Variants in H1-10 observed in about 807,000 individuals in gnomAD.
The protein encoded by H1-10 is histone H1.10.
For synonymous variants in H1-10, 191 were observed against 140.9 expected, an observed-to-expected ratio of 1.36 and a Z score of -2.52; for missense variants, 307 against 297.9, an observed-to-expected ratio of 1.03 and a Z score of -0.22.
Position 129,315,246 on chromosome 3 carries a change from G to T in H1-10, c.*15C>A. ...CCGAAAAGCCCACGCCGGCCGCTCT[G>T]ACCGGCCGACACGCTCACTTGCGGC... is the stretch of plus-strand genomic sequence containing the variant. On this transcript the variant is annotated 3_prime_UTR_variant, in exon 1 of 1. Transcript: ENST00000333762. The T allele has an allele frequency of 1.5e-6, 2 of 1,361,476 alleles. No individual in the cohort carries two copies. The highest frequency in any genetic ancestry group is 4.1e-5 in the South Asian group (2 of 48,598). 84.3% of individuals were successfully genotyped at this position (1,361,476 alleles called of 1,614,324 possible).
rs1268466214 is a variant in H1-10, at chr3:129,315,109, G to T, written c.*152C>A. On this transcript the variant is annotated 3_prime_UTR_variant, in exon 1 of 1. Coordinates refer to ENST00000333762, the MANE Select transcript of H1-10 (RefSeq NM_006026.4). Reference sequence around the variant, plus strand: ...AAAACGCTACATCGTTGGGGGAGGGGAAAGACTGAGAGGACCCGGGGCCCC... The same window carrying T: ...AAAACGCTACATCGTTGGGGGAGGGTAAAGACTGAGAGGACCCGGGGCCCC... The T allele has an allele frequency of 2.5e-5, 13 of 525,500 alleles. No individual in the cohort carries two copies. Among genetic ancestry groups the T allele is most frequent in the Admixed American group, 4.4e-5 (1 of 22,866 alleles). The allele number at this position is 525,500 out of a possible 1,614,324, so 32.6% of individuals were successfully genotyped here. A position where few individuals can be genotyped will look rare whatever the true frequency, so the allele number is the denominator to read the frequency against.
chr3:129,315,393 G>A lies in H1-10; in HGVS notation c.510C>T (p.Arg170=). The A allele has an allele frequency of 6.5e-7, 1 of 1,538,534 alleles. No homozygotes were observed. Among genetic ancestry groups the A allele is most frequent in the Non-Finnish European group, 8.7e-7 (1 of 1,148,714 alleles). The part of the protein sequence containing the change: ...KPARGQKPEQ[R]SHKKGAGAKK... Reference sequence around the variant, plus strand: ...TGGCGCCAGCGCCCTTCTTGTGCGAGCGCTGCTCCGGCTTCTGGCCCCTGG... The same window carrying A: ...TGGCGCCAGCGCCCTTCTTGTGCGAACGCTGCTCCGGCTTCTGGCCCCTGG... The change falls in exon 1 of 1, where the codon CGC becomes CGT. Residue 170 remains arginine (R), a synonymous_variant. Coordinates refer to ENST00000333762, the MANE Select transcript of H1-10 (RefSeq NM_006026.4).
rs2071287558 is a variant in H1-10 at position 129,315,025 on chromosome 3, G to A, written c.*236C>T. ...TAACCATGACGACGGCCGTTGCCAA[G>A]GCCGAGAGCCAATAGAGGCGTCGCC... On this transcript the variant is annotated 3_prime_UTR_variant, in exon 1 of 1. Transcript: ENST00000333762. The A allele has an allele frequency of 2.9e-6, 1 of 347,392 alleles. No individual in the cohort carries two copies. Among genetic ancestry groups the A allele is most frequent in the East Asian group, 4.4e-5 (1 of 22,668 alleles). The allele number at this position is 347,392 out of a possible 1,614,324, so 21.5% of individuals were successfully genotyped here. A position where few individuals can be genotyped will look rare whatever the true frequency, so the allele number is the denominator to read the frequency against.
chr3:129,315,946 G>A lies in H1-10; in HGVS notation c.-44C>T, dbSNP rs1234402955. 8 of 1,486,668 alleles carry A rather than the reference G, an allele frequency of 5.4e-6. No individual in the cohort carries two copies. Among genetic ancestry groups the A allele is most frequent in the Non-Finnish European group, 7.2e-6 (8 of 1,110,610 alleles). The allele number at this position is 1,486,668 out of a possible 1,614,324, so 92.1% of individuals were successfully genotyped here. A position where few individuals can be genotyped will look rare whatever the true frequency, so the allele number is the denominator to read the frequency against. ...GGCGGGCGGCGCGCGGAAGCCGGGG[G>A]GCCGCGCCGGGAAGAGGAAGGCGAG... On this transcript the variant is annotated 5_prime_UTR_variant, in exon 1 of 1. Transcript: ENST00000333762.
At position 129,315,801 on chromosome 3, in the gene H1-10, C is replaced by T. The variant is rs765977489; in HGVS notation, c.102G>A (p.Lys34=). 32 of 1,604,802 alleles carry T rather than the reference C, an allele frequency of 2.0e-5. No individual in the cohort carries two copies. Among genetic ancestry groups the T allele is most frequent in the East Asian group, 2.2e-5 (1 of 44,516 alleles). ...TCTTCTTCTTGCTATTCTTCCTCTT[C>T]TTAGATGGGGACAACGCCGCCGAGC... ...AGGSAALSPS[K]KRKNSKKKNQ... Residue 34 remains lysine (K), a synonymous_variant, in exon 1 of 1, where the codon AAG becomes AAA. Coordinates refer to ENST00000333762, the MANE Select transcript of H1-10 (RefSeq NM_006026.4).
Position 129,315,235 on chromosome 3 carries a change from C to T in H1-10, c.*26G>A, listed in dbSNP as rs1236147352. 7.5e-7 allele frequency: 1 copy of T among 1,335,686 alleles called. No individual in the cohort carries two copies. Among genetic ancestry groups the T allele is most frequent in the Non-Finnish European group, 9.6e-7 (1 of 1,046,620 alleles). The allele number at this position is 1,335,686 out of a possible 1,614,324, so 82.7% of individuals were successfully genotyped here. Reference sequence around the variant, plus strand: ...AAACAAAAACACCGAAAAGCCCACGCCGGCCGCTCTGACCGGCCGACACGC... The same window carrying T: ...AAACAAAAACACCGAAAAGCCCACGTCGGCCGCTCTGACCGGCCGACACGC... On this transcript the variant is annotated 3_prime_UTR_variant, in exon 1 of 1. Transcript: ENST00000333762.
In H1-10 at chr3:129,315,511, G is replaced by A; in HGVS notation, c.392C>T (p.Pro131Leu). The change falls in exon 1 of 1, where the codon CCG becomes CTG. Residue 131 changes from proline (P) to leucine (L), a missense_variant. Transcript: ENST00000333762. ...LEGGGERRGA[P>L]AAATAPAPTA... ...GGGGGCCGGGGCGGTGGCGGCCGCC[G>A]GGGCTCCGCGCCGCTCCCCGCCGCC... 5 of 1,533,246 alleles carry A rather than the reference G, an allele frequency of 3.3e-6. No individual in the cohort carries two copies. The highest frequency in any genetic ancestry group is 2.5e-5 in the East Asian group (1 of 40,348). 95.0% of individuals were successfully genotyped at this position (1,533,246 alleles called of 1,614,324 possible). A position where few individuals can be genotyped will look rare whatever the true frequency, so the allele number is the denominator to read the frequency against.
Position 129,315,532 on chromosome 3 carries a change from C to G in H1-10, c.371G>C (p.Gly124Ala). 6.5e-7 allele frequency: 1 copy of G among 1,540,904 alleles called. No homozygotes were observed. The highest frequency in any genetic ancestry group is 8.7e-7 in the Non-Finnish European group (1 of 1,145,540). The change falls in exon 1 of 1, where the codon GGC (glycine) becomes GCC (alanine). Residue 124 changes from glycine to alanine, a missense_variant. By Grantham distance (60) the Gly-to-Ala change is moderately conservative (BLOSUM62 0). Coordinates refer to ENST00000333762, the MANE Select transcript of H1-10 (RefSeq NM_006026.4). The part of the protein sequence containing the change: ...FKLNRKKLEG[G>A]GERRGAPAAA... ...CGCCGGGGCTCCGCGCCGCTCCCCG[C>G]CGCCCTCCAGCTTCTTGCGGTTGAG... is the stretch of plus-strand genomic sequence containing the variant.
At position 129,315,095 on chromosome 3, in the gene H1-10, T is replaced by G; in HGVS notation, c.*166A>C. On this transcript the variant is annotated 3_prime_UTR_variant, in exon 1 of 1. Transcript: ENST00000333762. The stretch of plus-strand genomic sequence containing the variant: ...AAAGCAAACAACGAAAAACGCTACA[T>G]CGTTGGGGGAGGGGAAAGACTGAGA... The G allele has an allele frequency of 2.1e-6, 1 of 466,620 alleles. No individual in the cohort carries two copies. The highest frequency in any genetic ancestry group is 3.4e-6 in the Non-Finnish European group (1 of 290,258). The allele number at this position is 466,620 out of a possible 1,614,324, so 28.9% of individuals were successfully genotyped here.
Position 129,315,911 on chromosome 3 carries a change from G to A in H1-10, c.-9C>T, listed in dbSNP as rs1338034428. The A allele has an allele frequency of 3.2e-6, 5 of 1,571,254 alleles. No homozygotes were observed. Among genetic ancestry groups the A allele is most frequent in the East Asian group, 2.3e-5 (1 of 42,910 alleles). ...TCGAGCTCCACGGACATGGTAGCAA[G>A]AGGATTGGTGGCGGGCGGCGCGCGG... On this transcript the variant is annotated 5_prime_UTR_variant, in exon 1 of 1. Coordinates refer to ENST00000333762, the MANE Select transcript of H1-10 (RefSeq NM_006026.4).
At position 129,315,410 on chromosome 3, in the gene H1-10, G is replaced by A; in HGVS notation, c.493C>T (p.Gln165Ter). ...TTGTGCGAGCGCTGCTCCGGCTTCT[G>A]GCCCCTGGCGGGCTTCTTGTCCGCG... ...RRADKKPARG[Q>*]KPEQRSHKKG... Residue 165 changes from glutamine (Q) to a stop codon, truncating the protein, a stop_gained, in exon 1 of 1, where the codon CAG (glutamine) becomes TAG (stop). Transcript: ENST00000333762. LOFTEE classifies it low-confidence loss of function (END_TRUNC). 6.6e-7 allele frequency: 1 copy of A among 1,514,250 alleles called. No individual in the cohort carries two copies. Among genetic ancestry groups the A allele is most frequent in the Non-Finnish European group, 8.8e-7 (1 of 1,136,802 alleles). The allele number at this position is 1,514,250 out of a possible 1,614,324, so 93.8% of individuals were successfully genotyped here.
rs2071288032 is a variant in H1-10, at chr3:129,315,069, TA to T, written c.*191del. 1 of 430,420 alleles carries T rather than the reference TA, an allele frequency of 2.3e-6. No individual in the cohort carries two copies. Among genetic ancestry groups the T allele is most frequent in the Non-Finnish European group, 3.9e-6 (1 of 258,870 alleles). 26.7% of individuals were successfully genotyped at this position (430,420 alleles called of 1,614,324 possible). On this transcript the variant is annotated 3_prime_UTR_variant, in exon 1 of 1. Coordinates refer to ENST00000333762, the MANE Select transcript of H1-10 (RefSeq NM_006026.4). ...CGTCGCCGGGGCTGTTTCAAAAACC[TA>T]AAGCAAACAACGAAAAACGCTACAT...
rs1242830698 is a variant in H1-10 at position 129,315,676 on chromosome 3, T to G, written c.227A>C (p.Lys76Thr). 4 of 1,589,616 alleles carry G rather than the reference T, an allele frequency of 2.5e-6. No individual in the cohort carries two copies. The highest frequency in any genetic ancestry group is 1.3e-5 in the African/African-American group (1 of 74,150). The change falls in exon 1 of 1, where the codon AAG becomes ACG. Residue 76 changes from lysine (K) to threonine (T), a missense_variant. Physicochemically the swap from Lys to Thr is moderately conservative, Grantham distance 78 (BLOSUM62 -1). Coordinates refer to ENST00000333762, the MANE Select transcript of H1-10 (RefSeq NM_006026.4). ...ATTCTGCTGGTCGAACCACGGAACC[T>G]TCTTGGCCTCGGTGTAGATCTTGGC... ...SLAKIYTEAK[K>T]VPWFDQQNGR... is the part of the protein sequence containing the mutation.
rs1391838469 is a variant in H1-10 at position 129,315,790 on chromosome 3, T to G, written c.113A>C (p.Asn38Thr). Reference protein sequence around the residue: ...AALSPSKKRKNSKKKNQPGKY... With the variant: ...AALSPSKKRKTSKKKNQPGKY... Reference sequence around the variant, plus strand: ...GCCCGGCTGGTTCTTCTTCTTGCTATTCTTCCTCTTCTTAGATGGGGACAA... The same window carrying G: ...GCCCGGCTGGTTCTTCTTCTTGCTAGTCTTCCTCTTCTTAGATGGGGACAA... Residue 38 changes from asparagine (N) to threonine (T), a missense_variant, in exon 1 of 1, where the codon AAT becomes ACT. Physicochemically the swap from Asn to Thr is moderately conservative, Grantham distance 65. Coordinates refer to ENST00000333762, the MANE Select transcript of H1-10 (RefSeq NM_006026.4). 1 of 1,604,704 alleles carries G rather than the reference T, an allele frequency of 6.2e-7. No homozygotes were observed. The highest frequency in any genetic ancestry group is 8.5e-7 in the Non-Finnish European group (1 of 1,176,314).
Position 129,316,149 on chromosome 3 carries a change from G to C in H1-10, c.-247C>G, listed in dbSNP as rs568278431. 2.5e-5 allele frequency: 4 copies of C among 162,704 alleles called. No individual in the cohort carries two copies. The allele number at this position is 162,704 out of a possible 1,614,324, so 10.1% of individuals were successfully genotyped here. On this transcript the variant is annotated 5_prime_UTR_variant, in exon 1 of 1. Transcript: ENST00000333762. ...GACCGAGTTGGGGGTCAGAGACCGA[G>C]TCCGAGCCGGCGGCTGGAGCTGGGG...
chr3:129,315,167 G>C lies in H1-10; in HGVS notation c.*94C>G, dbSNP rs1270874957. 7.0e-6 allele frequency: 8 copies of C among 1,145,150 alleles called. No homozygotes were observed. Among genetic ancestry groups the C allele is most frequent in the East Asian group, 3.2e-5 (1 of 31,268 alleles). The allele number at this position is 1,145,150 out of a possible 1,614,324, so 70.9% of individuals were successfully genotyped here. A position where few individuals can be genotyped will look rare whatever the true frequency, so the allele number is the denominator to read the frequency against. On this transcript the variant is annotated 3_prime_UTR_variant, in exon 1 of 1. Transcript: ENST00000333762. Reference sequence around the variant, plus strand: ...GGCTCAGACCAGGCCTCGCGGCCCCGGCCGGCGTGAGCCGTACAAAATCTA... The same window carrying C: ...GGCTCAGACCAGGCCTCGCGGCCCCCGCCGGCGTGAGCCGTACAAAATCTA...
rs1045764483 is a variant in H1-10 at position 129,315,117 on chromosome 3, G to T, written c.*144C>A. 2 of 583,542 alleles carry T rather than the reference G, an allele frequency of 3.4e-6. No homozygotes were observed. Among genetic ancestry groups the T allele is most frequent in the African/African-American group, 3.9e-5 (2 of 51,836 alleles). The allele number at this position is 583,542 out of a possible 1,614,324, so 36.1% of individuals were successfully genotyped here. A position where few individuals can be genotyped will look rare whatever the true frequency, so the allele number is the denominator to read the frequency against. Reference sequence around the variant, plus strand: ...ACATCGTTGGGGGAGGGGAAAGACTGAGAGGACCCGGGGCCCCTCCCTGAG... The same window carrying T: ...ACATCGTTGGGGGAGGGGAAAGACTTAGAGGACCCGGGGCCCCTCCCTGAG... On this transcript the variant is annotated 3_prime_UTR_variant, in exon 1 of 1. Transcript: ENST00000333762.
Position 129,315,491 on chromosome 3 carries a change from C to T in H1-10, c.412G>A (p.Ala138Thr). The T allele has an allele frequency of 6.5e-7, 1 of 1,527,364 alleles. No individual in the cohort carries two copies. Among genetic ancestry groups the T allele is most frequent in the South Asian group, 1.2e-5 (1 of 82,982 alleles). 94.6% of individuals were successfully genotyped at this position (1,527,364 alleles called of 1,614,324 possible). The change falls in exon 1 of 1, where the codon GCC (alanine) becomes ACC (threonine). Residue 138 changes from alanine to threonine, a missense_variant. Coordinates refer to ENST00000333762, the MANE Select transcript of H1-10 (RefSeq NM_006026.4). ...RGAPAAATAP[A>T]PTAHKAKKAA... ...TTCTTCGCTTTGTGCGCGGTGGGGG[C>T]CGGGGCGGTGGCGGCCGCCGGGGCT...
Position 129,315,208 on chromosome 3 carries a change from A to G in H1-10, c.*53T>C, listed in dbSNP as rs1462434848. 1 of 1,280,854 alleles carries G rather than the reference A, an allele frequency of 7.8e-7. No individual in the cohort carries two copies. The highest frequency in any genetic ancestry group is 9.8e-7 in the Non-Finnish European group (1 of 1,016,162). 79.3% of individuals were successfully genotyped at this position (1,280,854 alleles called of 1,614,324 possible). A position where few individuals can be genotyped will look rare whatever the true frequency, so the allele number is the denominator to read the frequency against. ...ACAAAATCTACGTCACTTGGGGTAG[A>G]AAAACAAAAACACCGAAAAGCCCAC... On this transcript the variant is annotated 3_prime_UTR_variant, in exon 1 of 1. Transcript: ENST00000333762.
Sources: gnomAD v4.1 joint callset for allele counts on GRCh38, gnomAD v4.1.1 for gene constraint, MANE v1.5 for transcripts, NCBI Gene and HGNC (gene_info 2026-07-23, HGNC 2026-07-21) for gene names.